SMOC1: variants seen among roughly 807,000 people sequenced by gnomAD.
The protein encoded by SMOC1 is SPARC related modular calcium binding 1, also known as SPARC-related modular calcium-binding protein 1.
A neutral mutation model predicts 56.3 loss-of-function variants in SMOC1; 22 were observed. That is an observed-to-expected ratio of 0.39 (90% CI 0.28 to 0.56). The LOEUF (loss-of-function observed/expected upper bound fraction) is 0.56, where lower values mean the gene tolerates loss of function less well. Ranked by LOEUF, SMOC1 falls within the 20% of genes least tolerant of loss-of-function variation. The probability of loss-of-function intolerance (pLI) is 0.61; values close to 1 mark genes in which losing one functional copy is unlikely to be tolerated. For missense variants in SMOC1, 509 were observed against 565.4 expected, an observed-to-expected ratio of 0.90 and a Z score of 1.01; for synonymous variants, 193 against 215.0, an observed-to-expected ratio of 0.90 and a Z score of 0.89.
At chr14:69,954,161 CT>C (rs1883107267) in intron 3 of SMOC1, among the ~76,000 whole-genome samples, 1 of 152,054 alleles carries the variant, frequency 6.6e-6, no homozygotes, top group South Asian at 2.1e-4. Context: ...CAGACTATTT[CT>C]TTTTTCTTCT....
Position 69,953,412 on chromosome 14 carries a change from T to C in SMOC1, c.266-8T>C, listed in dbSNP as rs758193933. On this transcript the variant is annotated splice_region_variant and splice_polypyrimidine_tract_variant and intron_variant, in intron 2 of 11. Transcript: ENST00000361956. ...TGAAATATGAAATCTGCTCCTCTCC[T>C]CTTTCAGATGCTGGCCAGAGCAAGT... is the stretch of plus-strand genomic sequence containing the variant. The C allele has an allele frequency of 1.1e-4, 172 of 1,613,818 alleles. 2 individuals carry two copies. The Middle Eastern group carries it at 1.5e-3, about 14-fold the overall frequency.
chr14:69,940,796 C>T (rs1882525936), intron 1 of SMOC1, among the ~76,000 whole-genome samples: 1 of 150,832 alleles, frequency 6.6e-6, no homozygotes, highest in African/African-American at 2.5e-5. Flanking sequence ...ATCTGGATCC[C>T]TGGGTCCTGG....
At chr14:69,884,900 G>A (rs901795344) in intron 1 of SMOC1, among the ~76,000 whole-genome samples, 1 of 151,750 alleles carries the variant, frequency 6.6e-6, no homozygotes, top group African/African-American at 2.4e-5. Flanking sequence ...TTTTTACTTT[G>A]CTTTGGCTAT....
rs1351985666 is a variant in SMOC1, at chr14:70,006,789, C to T, written c.665-3965C>T. Among the ~76,000 whole-genome samples the T allele has an allele frequency of 2.0e-5, 3 of 152,320 alleles. No homozygotes were observed. The East Asian group carries it at 5.8e-4, about 29-fold the overall frequency. On this transcript the variant is annotated intron_variant, in intron 7 of 11. Transcript: ENST00000361956. ...CATCTGCAGTTGGTACTCGCTGTGA[C>T]CTGAGCTGCTCCCCTTTCCTCACTG...
intron 1 of SMOC1, among the ~76,000 whole-genome samples, chr14:69,909,853 G>C (rs1446453760): frequency 1.3e-5 from 2 of 152,160 alleles, no homozygotes; most frequent in African/African-American, 2.4e-5. Flanking sequence ...ATGAGGACTG[G>C]GGAGTGAGAC....
chr14:70,026,066 T>C (rs147129691), intron 11 of SMOC1, among the ~76,000 whole-genome samples: 9 of 152,350 alleles, frequency 5.9e-5, no homozygotes, highest in African/African-American at 2.2e-4. Context: ...GCACCGTACA[T>C]GGCACCTGGT....
At chr14:69,950,478 G>A (rs1882951941) in intron 1 of SMOC1, among the ~76,000 whole-genome samples, 1 of 152,198 alleles carries the variant, frequency 6.6e-6, no homozygotes, top group Non-Finnish European at 1.5e-5. Context: ...CAGAGCTTGT[G>A]TTCACACCTT....
chr14:70,029,642 T>A (rs1392028664), intron 11 of SMOC1, among the ~76,000 whole-genome samples: 1 of 152,194 alleles, frequency 6.6e-6, no homozygotes, highest in African/African-American at 2.4e-5. Context: ...TCAAGGCCAC[T>A]CAATGTCACA....
At chr14:69,932,059 G>A (rs553490075) in intron 1 of SMOC1, among the ~76,000 whole-genome samples, 6 of 152,354 alleles carry the variant, frequency 3.9e-5, no homozygotes, top group East Asian at 1.9e-4. Context: ...TTGCCATCCC[G>A]TTCCTCAGAA....
intron 3 of SMOC1, among the ~76,000 whole-genome samples, chr14:69,957,892 C>A (rs2139454467): frequency 6.6e-6 from 1 of 151,908 alleles, no homozygotes; most frequent in Admixed American, 6.5e-5. Flanking sequence ...AGGGAGGATT[C>A]AAAAAAATGT....
intron 1 of SMOC1, among the ~76,000 whole-genome samples, chr14:69,921,044 C>T (rs976139106): frequency 6.6e-6 from 1 of 152,174 alleles, no homozygotes; most frequent in East Asian, 1.9e-4. Flanking sequence ...TAGTTGGTCG[C>T]CCAAAGCCCA....
chr14:69,920,636 G>T (rs1884813536), intron 1 of SMOC1, among the ~76,000 whole-genome samples: 1 of 152,342 alleles, frequency 6.6e-6, no homozygotes, highest in South Asian at 2.1e-4. Flanking sequence ...TGCAAAAACA[G>T]TTGCTGCCAT....
At chr14:69,959,494 C>G (rs767058495) in intron 3 of SMOC1, among the ~76,000 whole-genome samples, 1 of 152,054 alleles carries the variant, frequency 6.6e-6, no homozygotes, top group African/African-American at 2.4e-5. Context: ...TATGTTACTT[C>G]TGTGTGGAAA....
At chr14:69,980,563 G>T (rs531715673) in intron 5 of SMOC1, among the ~76,000 whole-genome samples, 1 of 152,230 alleles carries the variant, frequency 6.6e-6, no homozygotes, top group Non-Finnish European at 1.5e-5. Context: ...AGCCACACCT[G>T]TCCAGGAAGC....
At position 70,021,261 on chromosome 14, in the gene SMOC1, G is replaced by A. The variant is rs1885711356; in HGVS notation, c.1047-1942G>A. 2.6e-5 allele frequency among the ~76,000 whole-genome samples: 4 copies of A among 152,310 alleles called. No individual in the cohort carries two copies. In the South Asian group the frequency reaches 8.3e-4, roughly 32 times the overall value. The stretch of plus-strand genomic sequence containing the variant: ...TGCTGTTTGGGGAAAGGCAGGGACA[G>A]GCAGGTCACTCCCCTACCTGCACCA... On this transcript the variant is annotated intron_variant, in intron 10 of 11. Transcript: ENST00000361956.
In SMOC1 at chr14:69,879,595, C is replaced by A; in HGVS notation, c.-84C>A. On this transcript the variant is annotated 5_prime_UTR_variant, in exon 1 of 12. Transcript: ENST00000361956. ...TCCCCGCCGCCGCGAGGGCCCCGAG[C>A]GAAGGAAGGAAGGGAGGCGCGCTGT... The A allele has an allele frequency of 1.8e-6, 2 of 1,118,698 alleles. No homozygotes were observed. The allele number at this position is 1,118,698 out of a possible 1,614,324, so 69.3% of individuals were successfully genotyped here.
At chr14:69,922,877 T>C (rs540267919) in intron 1 of SMOC1, among the ~76,000 whole-genome samples, 1 of 152,164 alleles carries the variant, frequency 6.6e-6, no homozygotes, top group Non-Finnish European at 1.5e-5. Context: ...TCAACTCTTA[T>C]CACCTGTTGA....
intron 5 of SMOC1, among the ~76,000 whole-genome samples, chr14:69,984,710 C>G (rs1022099037): frequency 6.6e-6 from 1 of 151,764 alleles, no homozygotes; most frequent in Non-Finnish European, 1.5e-5. Context: ...CAAAAATTAG[C>G]CAGGCATGGT....
At chr14:70,026,854 C>T (rs1440769505) in intron 11 of SMOC1, among the ~76,000 whole-genome samples, 1 of 151,296 alleles carries the variant, frequency 6.6e-6, no homozygotes, top group East Asian at 1.9e-4. Context: ...TTAAGTATGG[C>T]TATGTGTGCA....
Sources: gnomAD v4.1 joint callset for allele counts (sites outside exome capture counted in the v4.1 genomes callset) on GRCh38, gnomAD v4.1.1 for gene constraint, MANE v1.5 for transcripts, NCBI Gene and HGNC (gene_info 2026-07-23, HGNC 2026-07-21) for gene names.